The following GRID1 variants were observed in gnomAD, a reference collection of about 807,000 sequenced individuals.
GRID1 encodes glutamate ionotropic receptor delta type subunit 1.
GRID1 carries 28 observed loss-of-function variants against 98.0 expected under a neutral mutation model. The ratio of observed to expected loss-of-function variants is 0.29; its 90% CI spans 0.21 to 0.39. The LOEUF is 0.39. GRID1 is among the 10% of genes least tolerant of loss of function. The probability of loss-of-function intolerance (pLI) is 1.00; values close to 1 mark genes in which losing one functional copy is unlikely to be tolerated. For synonymous variants in GRID1, 553 were observed against 538.5 expected (o/e 1.03, Z -0.37); for missense variants, 1,111 against 1,340.5 (o/e 0.83, Z 2.67).
At chr10:85,652,034 T>G (rs574469678) in intron 12 of GRID1, among the ~76,000 whole-genome samples, 4 of 152,244 alleles carry the variant, frequency 2.6e-5, no homozygotes, top group Non-Finnish European at 5.9e-5. Flanking sequence ...AAAGCATAGC[T>G]GATACCTTTG....
chr10:86,149,246 T>C (rs1438798570), intron 3 of GRID1, among the ~76,000 whole-genome samples: 1 of 152,064 alleles, frequency 6.6e-6, no homozygotes, highest in African/African-American at 2.4e-5. Context: ...CATTGAAAAC[T>C]CTTTGAGAGG....
chr10:86,172,029 T>A (rs1276718472), intron 3 of GRID1, among the ~76,000 whole-genome samples: 1 of 151,782 alleles, frequency 6.6e-6, no homozygotes, highest in Non-Finnish European at 1.5e-5. Context: ...AAAATTCACC[T>A]GTCTTAAGTG....
chr10:85,918,374 C>G (rs777950090), intron 4 of GRID1, among the ~76,000 whole-genome samples: 1 of 151,714 alleles, frequency 6.6e-6, no homozygotes, highest in African/African-American at 2.4e-5. Flanking sequence ...TCTGTTCCTT[C>G]GTAAAAGGAA....
At chr10:85,715,394 A>G (rs1841627150) in intron 12 of GRID1, among the ~76,000 whole-genome samples, 2 of 152,326 alleles carry the variant, frequency 1.3e-5, no homozygotes, top group South Asian at 4.1e-4. Context: ...ATCAAATTTT[A>G]AAATCCTACA....
rs901565727 is a variant in GRID1 at position 85,788,164 on chromosome 10, GA to G, written c.1234-58551del. ...CAATTAAGAGCTGATGAATGAGGGG[GA>G]AAAAAAATCAGGAATTATTGACTGC... On this transcript the variant is annotated intron_variant, in intron 8 of 15. Transcript: ENST00000327946. Among the ~76,000 whole-genome samples the G allele has an allele frequency of 2.5e-4, 38 of 151,910 alleles. 1 individual carries two copies. The highest frequency in any genetic ancestry group is 1.4e-3 in the Admixed American group (22 of 15,252).
intron 8 of GRID1, among the ~76,000 whole-genome samples, chr10:85,805,598 G>C (rs1842616509): frequency 6.6e-6 from 1 of 151,882 alleles, no homozygotes; most frequent in Non-Finnish European, 1.5e-5. Flanking sequence ...TAAAGCTTCA[G>C]TAATGAAGAA....
chr10:85,639,833 T>G (rs1169748270), intron 13 of GRID1, among the ~76,000 whole-genome samples: 1 of 152,206 alleles, frequency 6.6e-6, no homozygotes, highest in Non-Finnish European at 1.5e-5. Flanking sequence ...AGATCACCAT[T>G]GCACTCCAGC....
chr10:86,025,946 T>C (rs1180413398), intron 4 of GRID1, among the ~76,000 whole-genome samples: 6 of 152,206 alleles, frequency 3.9e-5, no homozygotes, highest in African/African-American at 1.2e-4. Context: ...CCTCAGGGTA[T>C]AGTCCTTCTG....
intron 4 of GRID1, among the ~76,000 whole-genome samples, chr10:85,980,423 G>A (rs1286218352): frequency 6.6e-6 from 1 of 151,444 alleles, no homozygotes; most frequent in Non-Finnish European, 1.5e-5. Flanking sequence ...TAATAGATGA[G>A]AAACTGTCTG....
chr10:86,088,219 T>C (rs1023925601), intron 4 of GRID1, among the ~76,000 whole-genome samples: 3 of 151,744 alleles, frequency 2.0e-5, no homozygotes, highest in Non-Finnish European at 4.4e-5. Context: ...TAATTCTCAA[T>C]GAAGGAACAT....
chr10:86,053,141 T>C (rs1394652868), intron 4 of GRID1, among the ~76,000 whole-genome samples: 1 of 152,248 alleles, frequency 6.6e-6, no homozygotes, highest in Non-Finnish European at 1.5e-5. Context: ...ACATATTCAC[T>C]GCAGTTATCC....
chr10:86,156,941 G>T (rs140540757), intron 3 of GRID1, among the ~76,000 whole-genome samples: 1 of 152,320 alleles, frequency 6.6e-6, no homozygotes, highest in African/African-American at 2.4e-5. Context: ...TGACAGGCAG[G>T]CTCCAAGGGG....
At chr10:85,827,565 C>A (rs1487992179) in intron 8 of GRID1, among the ~76,000 whole-genome samples, 1 of 151,860 alleles carries the variant, frequency 6.6e-6, no homozygotes, top group African/African-American at 2.4e-5. Context: ...AGAAAGCAAG[C>A]AACTTGGAAA....
intron 4 of GRID1, among the ~76,000 whole-genome samples, chr10:85,975,421 C>A (rs1842459712): frequency 6.6e-6 from 1 of 152,230 alleles, no homozygotes; most frequent in Non-Finnish European, 1.5e-5. Context: ...CACCAAGTGG[C>A]TCCTCCAGGC....
At chr10:85,752,515 T>C (rs1248952942) in intron 8 of GRID1, among the ~76,000 whole-genome samples, 1 of 152,254 alleles carries the variant, frequency 6.6e-6, no homozygotes, top group Non-Finnish European at 1.5e-5. Context: ...AGATAAATTT[T>C]GTTAAATGTC....
intron 13 of GRID1, among the ~76,000 whole-genome samples, chr10:85,626,716 A>G (rs182712387): frequency 6.6e-6 from 1 of 152,184 alleles, no homozygotes; most frequent in African/African-American, 2.4e-5. Flanking sequence ...ATGGCAACAC[A>G]TTACCACATG....
chr10:86,012,200 G>A (rs1381778177), intron 4 of GRID1, among the ~76,000 whole-genome samples: 5 of 152,116 alleles, frequency 3.3e-5, no homozygotes, highest in African/African-American at 7.2e-5. Flanking sequence ...CACTCCCTTC[G>A]GCAAGTGTTG....
chr10:85,823,872 TAAC>T (rs1442542067), intron 8 of GRID1, among the ~76,000 whole-genome samples: 1 of 149,020 alleles, frequency 6.7e-6, no homozygotes, highest in Non-Finnish European at 1.5e-5. Flanking sequence ...CCAGTAAAAA[TAAC>T]CATCATCAAT....
intron 4 of GRID1, among the ~76,000 whole-genome samples, chr10:85,991,834 G>C (rs1175434478): frequency 6.6e-6 from 1 of 152,070 alleles, no homozygotes; most frequent in Admixed American, 6.5e-5. Context: ...GAGAAACAGA[G>C]CAATCACTGA....
Sources: gnomAD v4.1 joint callset for allele counts (sites outside exome capture counted in the v4.1 genomes callset) on GRCh38, gnomAD v4.1.1 for gene constraint, MANE v1.5 for transcripts, NCBI Gene and HGNC (gene_info 2026-07-23, HGNC 2026-07-21) for gene names.